The following RBFOX1 variants were observed in gnomAD, a reference collection of about 807,000 sequenced individuals.
RBFOX1 encodes the protein RNA binding fox-1 homolog 1.
A neutral mutation model predicts 57.7 loss-of-function variants in RBFOX1; 8 were observed. The observed-to-expected ratio is 0.14, with a 90% CI of 0.08 to 0.25. The LOEUF is 0.25. RBFOX1 is among the 10% of genes least tolerant of loss of function. The probability of loss-of-function intolerance (pLI) is 1.00; values close to 1 mark genes in which losing one functional copy is unlikely to be tolerated. For missense variants in RBFOX1, 611 were observed against 548.5 expected, an observed-to-expected ratio of 1.11 and a Z score of -1.14; for synonymous variants, 326 against 222.4, an observed-to-expected ratio of 1.47 and a Z score of -4.15.
At chr16:6,507,142 T>C (rs995900208) in intron 2 of RBFOX1, among the ~76,000 whole-genome samples, 1 of 152,174 alleles carries the variant, frequency 6.6e-6, no homozygotes, top group Non-Finnish European at 1.5e-5. Flanking sequence ...TGAGCCAGCA[T>C]CGTTCCTCAC....
At chr16:6,165,699 A>G (rs1413630263) in intron 1 of RBFOX1, among the ~76,000 whole-genome samples, 1 of 152,258 alleles carries the variant, frequency 6.6e-6, no homozygotes, top group Non-Finnish European at 1.5e-5. Flanking sequence ...CACAACATGC[A>G]TGGGCAAATG....
chr16:6,352,873 A>T (rs767940660), intron 2 of RBFOX1, among the ~76,000 whole-genome samples: 1 of 151,822 alleles, frequency 6.6e-6, no homozygotes, highest in Non-Finnish European at 1.5e-5. Flanking sequence ...TCGCAAACAC[A>T]ACATGCATCA....
At chr16:7,695,618 C>G (rs1412917712) in intron 14 of RBFOX1, among the ~76,000 whole-genome samples, 1 of 145,740 alleles carries the variant, frequency 6.9e-6, no homozygotes, top group Non-Finnish European at 1.5e-5. Flanking sequence ...CGCCACTGCA[C>G]TCCGGCCTGG....
chr16:6,412,851 T>G (rs996670229), intron 2 of RBFOX1, among the ~76,000 whole-genome samples: 3 of 152,226 alleles, frequency 2.0e-5, no homozygotes, highest in Non-Finnish European at 4.4e-5. Flanking sequence ...CCAGAGTTAC[T>G]GGAGCGTGCA....
In RBFOX1 at chr16:5,395,183, A is replaced by G. The variant is rs146592115; in HGVS notation, c.220-72033A>G. 4.8e-4 allele frequency among the ~76,000 whole-genome samples: 73 copies of G among 152,228 alleles called. 1 individual carries two copies. The highest frequency in any genetic ancestry group is 1.5e-3 in the African/African-American group (61 of 41,546). On this transcript the variant is annotated intron_variant, in intron 1 of 2. Transcript: ENST00000585867. The stretch of plus-strand genomic sequence containing the variant: ...GCATCCCAGAGCACTGCACTTTCAC[A>G]TCTGTCATGACCTCACCTGGTGGTC...
chr16:7,365,972 G>C (rs938538289), intron 4 of RBFOX1, among the ~76,000 whole-genome samples: 6 of 152,166 alleles, frequency 3.9e-5, no homozygotes, highest in African/African-American at 7.2e-5. Context: ...AATAGAAGGT[G>C]GGTGAGAAGA....
At chr16:5,384,474 T>C (rs1025599682) in intron 1 of RBFOX1, among the ~76,000 whole-genome samples, 3 of 152,050 alleles carry the variant, frequency 2.0e-5, no homozygotes, top group Admixed American at 6.5e-5. Flanking sequence ...AAGTTTTAAG[T>C]TGGGTTTTGA....
In RBFOX1 at chr16:7,082,202, C is replaced by T. The variant is rs114896728; in HGVS notation, c.27+30104C>T. ...TTTTAGCTACTGCAACATTGAAGAC[C>T]TATGGTTCAGGATGAATCTACCTTC... On this transcript the variant is annotated intron_variant, in intron 4 of 15. Transcript: ENST00000550418. Among the ~76,000 whole-genome samples, 1,256 of 152,188 alleles carry T rather than the reference C, an allele frequency of 8.3e-3. 19 individuals are homozygous for T. The highest frequency in any genetic ancestry group is 0.029 in the African/African-American group (1,201 of 41,500).
At chr16:6,153,033 G>GTTTTTTTTTTTTTTTTTTTTTTTTA (rs59957159) in intron 1 of RBFOX1, among the ~76,000 whole-genome samples, 1 of 128,136 alleles carries the variant, frequency 7.8e-6, no homozygotes, top group African/African-American at 2.8e-5. Flanking sequence ...GTTATTTTCT[G>GTTTTTTTTTTTTTTTTTTTTTTTTA]TTTTTTTTTT....
intron 4 of RBFOX1, among the ~76,000 whole-genome samples, chr16:7,330,800 C>G (rs1359785134): frequency 3.9e-5 from 6 of 151,998 alleles, no homozygotes; most frequent in African/African-American, 1.4e-4. Flanking sequence ...ACAGGCCTTA[C>G]CTAAGTAAGT....
intron 3 of RBFOX1, among the ~76,000 whole-genome samples, chr16:5,705,602 C>G (rs1357809598): frequency 1.3e-5 from 2 of 152,202 alleles, no homozygotes; most frequent in South Asian, 2.1e-4. Context: ...AAGAAACATT[C>G]AAAGACAGAG....
intron 5 of RBFOX1, among the ~76,000 whole-genome samples, chr16:7,576,084 C>A (rs1458228963): frequency 6.8e-6 from 1 of 146,570 alleles, no homozygotes; most frequent in African/African-American, 2.6e-5. Context: ...AGGCACATGG[C>A]CATGATCAGC....
At chr16:6,604,613 G>C (rs2097901215) in intron 2 of RBFOX1, among the ~76,000 whole-genome samples, 1 of 152,122 alleles carries the variant, frequency 6.6e-6, no homozygotes, top group African/African-American at 2.4e-5. Flanking sequence ...AATTACTGTT[G>C]TATATGGGTA....
chr16:7,415,601 G>T (rs1366005684), intron 4 of RBFOX1, among the ~76,000 whole-genome samples: 4 of 151,952 alleles, frequency 2.6e-5, no homozygotes, highest in African/African-American at 9.7e-5. Context: ...TATAATATAC[G>T]TAATATTATT....
At chr16:6,129,059 A>T (rs1418876916) in intron 1 of RBFOX1, among the ~76,000 whole-genome samples, 1 of 151,610 alleles carries the variant, frequency 6.6e-6, no homozygotes, top group East Asian at 1.9e-4. Flanking sequence ...AGAAGAAAAC[A>T]TTATTAGCAC....
intron 4 of RBFOX1, among the ~76,000 whole-genome samples, chr16:7,409,744 C>A (rs759379608): frequency 6.6e-6 from 1 of 152,138 alleles, no homozygotes; most frequent in Non-Finnish European, 1.5e-5. Flanking sequence ...TAGAAAAATT[C>A]ATGAAACTTC....
At chr16:7,528,558 G>T (rs1355788232) in intron 5 of RBFOX1, among the ~76,000 whole-genome samples, 1 of 152,096 alleles carries the variant, frequency 6.6e-6, no homozygotes. Context: ...GTTCACTGCA[G>T]CCTGAAACTC....
At chr16:7,594,010 T>C (rs1044547876) in intron 7 of RBFOX1, among the ~76,000 whole-genome samples, 4 of 152,122 alleles carry the variant, frequency 2.6e-5, no homozygotes, top group African/African-American at 7.2e-5. Context: ...AGTTCTAGGG[T>C]ACAGGTGCAC....
At chr16:7,689,408 G>A (rs1380310722) in intron 14 of RBFOX1, among the ~76,000 whole-genome samples, 7 of 152,136 alleles carry the variant, frequency 4.6e-5, no homozygotes, top group African/African-American at 1.7e-4. Context: ...AAGGTAAGAA[G>A]CAGCAGGAGG....
Sources: allele counts gnomAD v4.1 joint callset (sites outside exome capture counted in the v4.1 genomes callset), GRCh38; gene constraint gnomAD v4.1.1; transcripts MANE v1.5; gene names NCBI Gene and HGNC (gene_info 2026-07-23, HGNC 2026-07-21).